Variants in SATB1 observed in about 807,000 individuals in gnomAD.
SATB1 encodes the protein DNA-binding protein SATB1.
Under a neutral mutation model 86.9 loss-of-function variants are expected in SATB1, and 11 were observed. The observed-to-expected ratio is 0.13, with a 90% CI of 0.08 to 0.21. The LOEUF is 0.21. SATB1 is among the 10% of genes least tolerant of loss of function. The pLI is 1.00. For missense variants in SATB1, 551 were observed against 937.6 expected (o/e 0.59, Z 5.39); for synonymous variants, 357 against 357.2 (o/e 1.00, Z 0.01).
At chr3:18,392,107 T>C (rs1000663293) in intron 7 of SATB1, among the ~76,000 whole-genome samples, 4 of 152,204 alleles carry the variant, frequency 2.6e-5, no homozygotes, top group African/African-American at 9.7e-5. Context: ...ATTTTTTTGG[T>C]AATGACTTTT....
At chr3:18,387,954 A>G (rs1338610583) in intron 7 of SATB1, among the ~76,000 whole-genome samples, 1 of 152,208 alleles carries the variant, frequency 6.6e-6, no homozygotes, top group Admixed American at 6.5e-5. Context: ...AGACAATACA[A>G]AAGTACTGAT....
intron 5 of SATB1, among the ~76,000 whole-genome samples, chr3:18,405,784 G>C (rs1697501671): frequency 6.6e-6 from 1 of 151,976 alleles, no homozygotes; most frequent in African/African-American, 2.4e-5. Flanking sequence ...AGACTTCACA[G>C]AAGACTGAGG....
intron 6 of SATB1, 22 bp downstream of exon 6, chr3:18,397,157 C>T (rs1412659767): frequency 7.6e-7 from 1 of 1,318,232 alleles, no homozygotes. Flanking sequence ...GTAGCCACTG[C>T]TGCAATGTTT....
chr3:18,348,440 T>C lies in SATB1; in HGVS notation c.*730A>G, dbSNP rs1323733609. On this transcript the variant is annotated 3_prime_UTR_variant, in exon 11 of 11. Transcript: ENST00000338745. ...AGTATGGTAACAAGAGAAGCAATAT[T>C]ACATTTAACGGAAACTTCCAAAAAA... 6.6e-6 allele frequency: 1 copy of C among 152,568 alleles called. No individual in the cohort carries two copies. Among genetic ancestry groups the C allele is most frequent in the Admixed American group, 6.5e-5 (1 of 15,280 alleles). 9.5% of individuals were successfully genotyped at this position (152,568 alleles called of 1,614,324 possible). A position where few individuals can be genotyped will look rare whatever the true frequency, so the allele number is the denominator to read the frequency against.
In SATB1 at chr3:18,443,721, C is replaced by G. The variant is rs2125215202; in HGVS notation, c.-25+1797G>C. 6.6e-6 allele frequency among the ~76,000 whole-genome samples: 1 copy of G among 152,284 alleles called. No homozygotes were observed. Among genetic ancestry groups the G allele is most frequent in the Non-Finnish European group, 1.5e-5 (1 of 68,026 alleles). On this transcript the variant is annotated intron_variant, in intron 1 of 3. Coordinates refer to the SATB1 transcript ENST00000415069. The surrounding 1 kb of genome is among the most constrained non-coding windows in gnomAD (Gnocchi z 4.4). ...AACCCCGGTTCTGCCGGCCCGGGAGCCTTAGCACTGGAGCAATAGGAAAAG... is the reference window on the plus strand; with the variant it reads ...AACCCCGGTTCTGCCGGCCCGGGAGGCTTAGCACTGGAGCAATAGGAAAAG...
intron 5 of SATB1, among the ~76,000 whole-genome samples, chr3:18,413,919 G>C (rs1275786844): frequency 2.6e-5 from 4 of 152,004 alleles, no homozygotes; most frequent in Non-Finnish European, 4.4e-5. Flanking sequence ...GAAATGCATG[G>C]AGTTTCTATG....
At chr3:18,381,552 A>C (rs1696064264) in intron 8 of SATB1, among the ~76,000 whole-genome samples, 1 of 152,224 alleles carries the variant, frequency 6.6e-6, no homozygotes, top group Non-Finnish European at 1.5e-5. Flanking sequence ...AGCAATGCTG[A>C]GATCTAAACT....
chr3:18,394,754 G>C lies in SATB1; in HGVS notation c.914C>G (p.Pro305Arg). 6.2e-7 allele frequency: 1 copy of C among 1,614,162 alleles called. No homozygotes were observed. Among genetic ancestry groups the C allele is most frequent in the Non-Finnish European group, 8.5e-7 (1 of 1,180,032 alleles). ...ACTGATAGGTGTTGATACGAGCCCA[G>C]GGTGCAGGTTTGGAAGAGGTGTCCG... ...SVRTPLPNLH[P>R]GLVSTPISPQ... The change falls in exon 7 of 11, where the codon CCT becomes CGT. Residue 305 changes from proline to arginine, a missense_variant. This residue lies in a region of SATB1 where 119 missense variants were observed against 171.1 expected (regional missense o/e 0.70). Transcript: ENST00000338745. The surrounding 1 kb of genome is among the most constrained non-coding windows in gnomAD (Gnocchi z 5.9).
intron 1 of SATB1, among the ~76,000 whole-genome samples, chr3:18,422,300 A>C (rs987812320): frequency 2.0e-5 from 3 of 152,174 alleles, no homozygotes; most frequent in Non-Finnish European, 4.4e-5. Flanking sequence ...CTTTTCTGTA[A>C]ATATTTTTTC....
At chr3:18,363,319 A>C (rs1403332728) in intron 9 of SATB1, among the ~76,000 whole-genome samples, 1 of 152,180 alleles carries the variant, frequency 6.6e-6, no homozygotes, top group Non-Finnish European at 1.5e-5. Flanking sequence ...CAAACTTGCT[A>C]ATCAGAAGTT....
At position 18,347,677 on chromosome 3, in the gene SATB1, G is replaced by GT. The variant is rs1167885255; in HGVS notation, c.*1492dup. The GT allele has an allele frequency of 1.3e-5, 2 of 152,140 alleles. No homozygotes were observed. The highest frequency in any genetic ancestry group is 4.8e-5 in the African/African-American group (2 of 41,442). The allele number at this position is 152,140 out of a possible 1,614,324, so 9.4% of individuals were successfully genotyped here. A position where few individuals can be genotyped will look rare whatever the true frequency, so the allele number is the denominator to read the frequency against. Reference sequence around the variant, plus strand: ...AACATAACTGCTAGAGACTGGATTTGTTTTTGTCGGAGAGTCTTTTGACCA... The same window carrying GT: ...AACATAACTGCTAGAGACTGGATTTGTTTTTTGTCGGAGAGTCTTTTGACCA... On this transcript the variant is annotated 3_prime_UTR_variant, in exon 11 of 11. Coordinates refer to ENST00000338745, the MANE Select transcript of SATB1 (RefSeq NM_002971.6).
chr3:18,402,037 A>T (rs1461353131), intron 5 of SATB1, among the ~76,000 whole-genome samples: 1 of 152,160 alleles, frequency 6.6e-6, no homozygotes, highest in African/African-American at 2.4e-5. Flanking sequence ...CTTTGCTCTA[A>T]AATACTCTAG....
At chr3:18,435,167 T>C (rs1158582931) in intron 2 of SATB1, 1 of 152,164 alleles carries the variant, frequency 6.6e-6, no homozygotes, top group African/African-American at 2.4e-5. Flanking sequence ...ATTAATAACC[T>C]ATTCTGTTAT....
At chr3:18,371,618 T>C (rs1695483897) in intron 9 of SATB1, among the ~76,000 whole-genome samples, 1 of 152,242 alleles carries the variant, frequency 6.6e-6, no homozygotes, top group Non-Finnish European at 1.5e-5. Flanking sequence ...TGTGAAATTT[T>C]AATGGTACAG....
chr3:18,383,488 T>C (rs536358032), intron 8 of SATB1, among the ~76,000 whole-genome samples: 2 of 152,306 alleles, frequency 1.3e-5, no homozygotes, highest in South Asian at 2.1e-4. Context: ...TGTGGTTCTT[T>C]AGAAAGAAAT....
chr3:18,367,438 A>G (rs9837588), intron 9 of SATB1, among the ~76,000 whole-genome samples: 17,320 of 152,200 alleles, frequency 0.11, 2,141 homozygotes, highest in African/African-American at 0.3. Flanking sequence ...GAGAGCACTG[A>G]AGAATAGCAA....
chr3:18,377,039 C>G (rs1271769598), intron 9 of SATB1, among the ~76,000 whole-genome samples: 1 of 152,124 alleles, frequency 6.6e-6, no homozygotes, highest in African/African-American at 2.4e-5. Flanking sequence ...AGTATTTCAT[C>G]AGGCCTATAA....
Position 18,419,489 on chromosome 3 carries a change from C to A in SATB1, c.211+1268G>T, listed in dbSNP as rs577734620. ...CTGTAGAATCCTTGTCTAAAACTGT[C>A]CTGGCATTAAAGTTTGCTGTGCAAA... On this transcript the variant is annotated intron_variant, in intron 2 of 10. Transcript: ENST00000338745. Among the ~76,000 whole-genome samples, 4 of 152,294 alleles carry A rather than the reference C, an allele frequency of 2.6e-5. No individual in the cohort carries two copies. In the East Asian group the frequency reaches 7.7e-4, roughly 29 times the overall value.
At chr3:18,390,337 T>C (rs565133646) in intron 7 of SATB1, among the ~76,000 whole-genome samples, 2 of 152,294 alleles carry the variant, frequency 1.3e-5, no homozygotes, top group Non-Finnish European at 2.9e-5. Context: ...TAGAATATTC[T>C]TCAAGGCTAC....
Sources: gnomAD v4.1 joint callset for allele counts (sites outside exome capture counted in the v4.1 genomes callset) on GRCh38, gnomAD v4.1.1 for gene constraint, gnomAD v4.1.1 regional missense constraint, Gnocchi (gnomAD v3.1) non-coding constraint, MANE v1.5 for transcripts, NCBI Gene and HGNC (gene_info 2026-07-23, HGNC 2026-07-21) for gene names.